The following TTLL5 variants were observed in gnomAD, a reference collection of about 807,000 sequenced individuals.
TTLL5 encodes tubulin polyglutamylase TTLL5.
In TTLL5, 132 loss-of-function variants were observed where a neutral mutation model predicts 168.4. That is an observed-to-expected ratio of 0.78 (90% CI 0.68 to 0.91). The LOEUF (loss-of-function observed/expected upper bound fraction) is 0.91. Among genes scored for constraint, TTLL5 ranks in the 40% least tolerant of loss-of-function variants. The pLI, the probability that TTLL5 is intolerant of heterozygous loss-of-function variation, is 0.00. For synonymous variants in TTLL5, 546 were observed against 558.6 expected (o/e 0.98, Z 0.32); for missense variants, 1,545 against 1,581.5 (o/e 0.98, Z 0.39).
At chr14:75,873,054 T>C (rs1322309573) in intron 29 of TTLL5, among the ~76,000 whole-genome samples, 1 of 150,718 alleles carries the variant, frequency 6.6e-6, no homozygotes, top group African/African-American at 2.4e-5. Context: ...ATATGCATAC[T>C]GTACCACAGA....
chr14:75,762,290 G>A (rs1325993133), intron 18 of TTLL5, among the ~76,000 whole-genome samples: 1 of 152,156 alleles, frequency 6.6e-6, no homozygotes, highest in Non-Finnish European at 1.5e-5. Flanking sequence ...AGCTACCTGG[G>A]AGGCTGAGGC....
chr14:75,708,480 C>T (rs1886809952), intron 9 of TTLL5, among the ~76,000 whole-genome samples: 1 of 152,066 alleles, frequency 6.6e-6, no homozygotes, highest in African/African-American at 2.4e-5. Context: ...TGCCCCCCAC[C>T]ATGCCTGGCT....
chr14:75,896,712 A>G (rs746319442), intron 30 of TTLL5, among the ~76,000 whole-genome samples: 8 of 152,222 alleles, frequency 5.3e-5, no homozygotes, highest in Non-Finnish European at 8.8e-5. Flanking sequence ...TAAAGAAAGC[A>G]TATCGCTTTC....
At chr14:75,726,551 C>A (rs1305122483) in intron 12 of TTLL5, among the ~76,000 whole-genome samples, 4 of 152,070 alleles carry the variant, frequency 2.6e-5, no homozygotes, top group African/African-American at 9.7e-5. Flanking sequence ...AATGACATTA[C>A]AAGTAGTATA....
At chr14:75,749,472 C>T (rs778382029) in intron 17 of TTLL5, among the ~76,000 whole-genome samples, 10 of 152,232 alleles carry the variant, frequency 6.6e-5, no homozygotes, top group Middle Eastern at 3.4e-3. Flanking sequence ...CAAGCAAATG[C>T]ACTTCCTGTT....
At chr14:75,810,359 T>G (rs1343070171) in intron 27 of TTLL5, among the ~76,000 whole-genome samples, 5 of 151,912 alleles carry the variant, frequency 3.3e-5, no homozygotes, top group Admixed American at 3.3e-4. Flanking sequence ...CTCTCTCTGT[T>G]TTTCTTTTTG....
intron 31 of TTLL5, among the ~76,000 whole-genome samples, chr14:75,938,405 G>A (rs1021408441): frequency 3.3e-5 from 5 of 152,232 alleles, no homozygotes; most frequent in African/African-American, 1.2e-4. Context: ...GCAGCCTTGA[G>A]AGACACCTGG....
intron 31 of TTLL5, among the ~76,000 whole-genome samples, chr14:75,949,348 G>A (rs1408387375): frequency 1.4e-5 from 2 of 147,790 alleles, no homozygotes; most frequent in Non-Finnish European, 3.0e-5. Context: ...GACGCTTTAA[G>A]AATATATATA....
intron 28 of TTLL5, chr14:75,835,469 T>C (rs1895817366): frequency 6.6e-6 from 1 of 152,228 alleles, no homozygotes; most frequent in Admixed American, 6.5e-5. Flanking sequence ...ACACAATCTC[T>C]ATTTGTCACC....
chr14:75,840,310 G>T (rs917862261), intron 28 of TTLL5, among the ~76,000 whole-genome samples: 2 of 152,138 alleles, frequency 1.3e-5, no homozygotes, highest in Non-Finnish European at 2.9e-5. Flanking sequence ...CATGTGCCAT[G>T]GTGGTTTGCT....
chr14:75,914,770 C>G (rs1260480114), intron 31 of TTLL5, among the ~76,000 whole-genome samples: 1 of 152,048 alleles, frequency 6.6e-6, no homozygotes, highest in Non-Finnish European at 1.5e-5. Flanking sequence ...ACTACAGGAG[C>G]CTGCCACCAT....
intron 15 of TTLL5, among the ~76,000 whole-genome samples, chr14:75,738,517 A>G (rs1445132276): frequency 1.7e-4 from 26 of 152,194 alleles, no homozygotes; most frequent in Admixed American, 1.7e-3. Flanking sequence ...GCCTTGTCTA[A>G]TATTTAGTAA....
At chr14:75,848,553 G>A (rs1167785163) in intron 28 of TTLL5, among the ~76,000 whole-genome samples, 1 of 150,460 alleles carries the variant, frequency 6.6e-6, no homozygotes, top group Non-Finnish European at 1.5e-5. Flanking sequence ...TGAATGAACT[G>A]GTGTCAGGGA....
At position 75,732,425 on chromosome 14, in the gene TTLL5, T is replaced by G; in HGVS notation, c.1124+6T>G. On this transcript the variant is annotated splice_donor_region_variant and intron_variant, in intron 13 of 31. Transcript: ENST00000298832. Reference sequence around the variant, plus strand: ...CTCTCTCCTTCTTTGGCCTGGTAAGTCAGTTCCATCAACTAAAAAAGGACA... The same window carrying G: ...CTCTCTCCTTCTTTGGCCTGGTAAGGCAGTTCCATCAACTAAAAAAGGACA... 1 of 1,612,736 alleles carries G rather than the reference T, an allele frequency of 6.2e-7. No individual in the cohort carries two copies. The highest frequency in any genetic ancestry group is 8.5e-7 in the Non-Finnish European group (1 of 1,179,344).
At position 75,907,811 on chromosome 14, in the gene TTLL5, A is replaced by G. The variant is rs187920472; in HGVS notation, c.3823+5587A>G. On this transcript the variant is annotated intron_variant, in intron 31 of 31. Coordinates refer to ENST00000298832, the MANE Select transcript of TTLL5 (RefSeq NM_015072.5). Reference sequence around the variant, plus strand: ...TCCAATGATGAACAACTAATAAAATATAGAAGACTAAAGCAAGAAGGTCAG... The same window carrying G: ...TCCAATGATGAACAACTAATAAAATGTAGAAGACTAAAGCAAGAAGGTCAG... 1.5e-4 allele frequency among the ~76,000 whole-genome samples: 23 copies of G among 152,382 alleles called. No individual in the cohort carries two copies. In the East Asian group the frequency reaches 4.4e-3, roughly 29 times the overall value.
intron 15 of TTLL5, among the ~76,000 whole-genome samples, chr14:75,740,021 A>C (rs181504728): frequency 6.6e-6 from 1 of 152,284 alleles, no homozygotes; most frequent in East Asian, 1.9e-4. Context: ...CCATTCCAGA[A>C]ATCACTTTCT....
chr14:75,802,545 A>G (rs1893382885), intron 27 of TTLL5, among the ~76,000 whole-genome samples: 1 of 152,210 alleles, frequency 6.6e-6, no homozygotes, highest in Admixed American at 6.5e-5. Flanking sequence ...TAAAACTTTT[A>G]GTGGCATTTC....
At chr14:75,762,372 G>C (rs746559559) in intron 18 of TTLL5, among the ~76,000 whole-genome samples, 2 of 152,166 alleles carry the variant, frequency 1.3e-5, no homozygotes, top group Non-Finnish European at 2.9e-5. Flanking sequence ...TCCAGCCTGG[G>C]TGACAGAGCA....
intron 17 of TTLL5, among the ~76,000 whole-genome samples, chr14:75,746,414 T>C (rs1050458487): frequency 6.6e-6 from 1 of 152,210 alleles, no homozygotes; most frequent in Non-Finnish European, 1.5e-5. Flanking sequence ...ACCTTTAAAA[T>C]GTCTTTTCGT....
Sources: gnomAD v4.1 joint callset for allele counts (sites outside exome capture counted in the v4.1 genomes callset) on GRCh38, gnomAD v4.1.1 for gene constraint, MANE v1.5 for transcripts, NCBI Gene and HGNC (gene_info 2026-07-23, HGNC 2026-07-21) for gene names.